Variants in CCDC178 observed in about 807,000 individuals in gnomAD.
CCDC178 encodes the protein coiled-coil domain-containing protein 178.
Under a neutral mutation model 117.4 loss-of-function variants are expected in CCDC178, and 126 were observed. The ratio of observed to expected loss-of-function variants is 1.07; its 90% CI spans 0.93 to 1.24. The LOEUF is 1.24. Ranked by LOEUF, CCDC178 falls within the 50% of genes most tolerant of loss-of-function variation. CCDC178 has a pLI of 0.00. For missense variants in CCDC178, 1,030 were observed against 986.9 expected, an observed-to-expected ratio of 1.04 and a Z score of -0.59; for synonymous variants, 283 against 313.4, an observed-to-expected ratio of 0.90 and a Z score of 1.02.
intron 21 of CCDC178, among the ~76,000 whole-genome samples, chr18:33,065,548 G>A (rs1355712334): frequency 6.6e-6 from 1 of 151,972 alleles, no homozygotes; most frequent in East Asian, 1.9e-4. Context: ...CCTAAGCCTT[G>A]CAAAAAAAGA....
chr18:33,071,073 T>C (rs1011440150), intron 21 of CCDC178, among the ~76,000 whole-genome samples: 1 of 152,080 alleles, frequency 6.6e-6, no homozygotes, highest in African/African-American at 2.4e-5. Context: ...CCATCAATAT[T>C]TGTTTAACTA....
intron 6 of CCDC178, among the ~76,000 whole-genome samples, chr18:33,363,379 A>G (rs2063156334): frequency 6.6e-6 from 1 of 152,016 alleles, no homozygotes; most frequent in African/African-American, 2.4e-5. Flanking sequence ...CTGAGATAGG[A>G]ACTCAGATCC....
At chr18:33,078,816 G>A (rs1331912213) in intron 21 of CCDC178, among the ~76,000 whole-genome samples, 2 of 152,146 alleles carry the variant, frequency 1.3e-5, no homozygotes, top group Non-Finnish European at 2.9e-5. Flanking sequence ...CATGCTCATG[G>A]ATAGAAAGAA....
At chr18:33,102,002 A>G (rs892265981) in intron 20 of CCDC178, among the ~76,000 whole-genome samples, 2 of 151,900 alleles carry the variant, frequency 1.3e-5, no homozygotes, top group East Asian at 1.9e-4. Context: ...TCTGTTTGTT[A>G]TGAGGTAATA....
intron 5 of CCDC178, among the ~76,000 whole-genome samples, chr18:33,389,127 T>C (rs531432268): frequency 1.3e-5 from 2 of 152,232 alleles, no homozygotes; most frequent in South Asian, 2.1e-4. Flanking sequence ...ATCCTGCACA[T>C]GTACCCTGGA....
intron 20 of CCDC178, among the ~76,000 whole-genome samples, chr18:33,171,840 C>T (rs887785062): frequency 2.6e-5 from 4 of 152,284 alleles, no homozygotes; most frequent in East Asian, 1.9e-4. Flanking sequence ...GCTATATTTG[C>T]GAAACTTCGG....
At chr18:33,032,968 A>G (rs2056373961) in intron 21 of CCDC178, among the ~76,000 whole-genome samples, 1 of 151,988 alleles carries the variant, frequency 6.6e-6, no homozygotes, top group African/African-American at 2.4e-5. Context: ...CCTATCATTT[A>G]TTTTAAAATG....
chr18:33,247,110 C>A (rs1482850460), intron 14 of CCDC178, among the ~76,000 whole-genome samples: 1 of 144,162 alleles, frequency 6.9e-6, no homozygotes, highest in South Asian at 2.2e-4. Context: ...GAGAGAGAGA[C>A]AGAGTCAGAG....
At chr18:33,394,560 A>C (rs1268439854) in intron 4 of CCDC178, among the ~76,000 whole-genome samples, 1 of 151,958 alleles carries the variant, frequency 6.6e-6, no homozygotes, top group African/African-American at 2.4e-5. Flanking sequence ...AGGTTTTTTC[A>C]TTGCAAGACT....
intron 5 of CCDC178, among the ~76,000 whole-genome samples, chr18:33,379,203 A>G (rs2063407918): frequency 7.9e-6 from 1 of 126,990 alleles, no homozygotes; most frequent in African/African-American, 2.9e-5. Context: ...TATAATATAT[A>G]TATATTTCCA....
intron 6 of CCDC178, among the ~76,000 whole-genome samples, chr18:33,360,782 C>A (rs1273985355): frequency 1.3e-5 from 2 of 151,578 alleles, no homozygotes; most frequent in South Asian, 2.1e-4. Flanking sequence ...TGGAATAAGT[C>A]TAATCAAGTA....
chr18:33,081,217 TTAATA>T (rs2057292286), intron 21 of CCDC178, among the ~76,000 whole-genome samples: 3 of 152,224 alleles, frequency 2.0e-5, no homozygotes, highest in South Asian at 4.1e-4. Flanking sequence ...GTGACTATTA[TTAATA>T]TAATTGTTTT....
intron 5 of CCDC178, among the ~76,000 whole-genome samples, chr18:33,384,051 GA>G (rs2063467779): frequency 6.6e-6 from 1 of 152,108 alleles, no homozygotes; most frequent in South Asian, 2.1e-4. Flanking sequence ...CACAGCACGG[GA>G]ACTTCATGAT....
In CCDC178 at chr18:33,421,526, A is replaced by T. The variant is rs906755314; in HGVS notation, c.-22-9416T>A. On this transcript the variant is annotated intron_variant, in intron 2 of 22. Transcript: ENST00000383096. ...CATGGTGAATAGATTTATAACACAG[A>T]AATCAGCAAATGCTACAAATCAAGA... Among the ~76,000 whole-genome samples, 10 of 152,244 alleles carry T rather than the reference A, an allele frequency of 6.6e-5. No individual in the cohort carries two copies. The East Asian group carries it at 9.6e-4, about 15-fold the overall frequency.
intron 20 of CCDC178, among the ~76,000 whole-genome samples, chr18:33,166,091 C>T (rs2058524634): frequency 6.6e-6 from 1 of 152,116 alleles, no homozygotes; most frequent in South Asian, 2.1e-4. Context: ...CAAATGTCAA[C>T]AGAGTGAAAA....
At chr18:33,232,599 A>C (rs1211176436) in intron 15 of CCDC178, among the ~76,000 whole-genome samples, 3 of 152,202 alleles carry the variant, frequency 2.0e-5, no homozygotes, top group Non-Finnish European at 2.9e-5. Context: ...TTTGGTGGCC[A>C]GGACCCTAAC....
intron 20 of CCDC178, among the ~76,000 whole-genome samples, chr18:33,172,099 G>A (rs530000069): frequency 9.2e-5 from 14 of 152,080 alleles, no homozygotes; most frequent in Admixed American, 7.9e-4. Flanking sequence ...TAGTAGAGGC[G>A]AGGTTTCACC....
At chr18:32,965,032 T>C (rs1475798590) in intron 22 of CCDC178, among the ~76,000 whole-genome samples, 2 of 151,936 alleles carry the variant, frequency 1.3e-5, no homozygotes, top group African/African-American at 4.8e-5. Flanking sequence ...TTGTCTGTTT[T>C]GCTTGCTACT....
At chr18:33,421,837 G>A (rs2064031113) in intron 2 of CCDC178, among the ~76,000 whole-genome samples, 1 of 152,136 alleles carries the variant, frequency 6.6e-6, no homozygotes, top group South Asian at 2.1e-4. Flanking sequence ...TGGTAGAAAA[G>A]GAAAGGTACT....
Sources: gnomAD v4.1 joint callset for allele counts (sites outside exome capture counted in the v4.1 genomes callset) on GRCh38, gnomAD v4.1.1 for gene constraint, MANE v1.5 for transcripts, NCBI Gene and HGNC (gene_info 2026-07-23, HGNC 2026-07-21) for gene names.